MAD1L1: variants seen among roughly 807,000 people sequenced by gnomAD.
MAD1L1 encodes the protein mitotic arrest deficient 1 like 1.
Under a neutral mutation model 96.9 loss-of-function variants are expected in MAD1L1, and 95 were observed. The ratio of observed to expected loss-of-function variants is 0.98; its 90% CI spans 0.83 to 1.16. MAD1L1 has a LOEUF of 1.16. Among genes scored for constraint, MAD1L1 ranks in the 50% most tolerant of loss-of-function variants. MAD1L1 has a pLI of 0.00. For missense variants in MAD1L1, 1,007 were observed against 954.4 expected, an observed-to-expected ratio of 1.06 and a Z score of -0.73; for synonymous variants, 473 against 396.6, an observed-to-expected ratio of 1.19 and a Z score of -2.29.
chr7:2,090,249 T>A (rs1168623578), intron 11 of MAD1L1, among the ~76,000 whole-genome samples: 1 of 152,138 alleles, frequency 6.6e-6, no homozygotes, highest in Non-Finnish European at 1.5e-5. Flanking sequence ...GTCCACTGAG[T>A]CACCGGCGCT....
intron 10 of MAD1L1, among the ~76,000 whole-genome samples, chr7:2,181,515 A>G (rs535145989): frequency 3.0e-4 from 46 of 152,348 alleles, no homozygotes; most frequent in Admixed American, 7.2e-4. Flanking sequence ...CAGAATGGCC[A>G]TAATTTAAAA....
At chr7:2,231,078 G>C (rs569463719) in intron 1 of MAD1L1, among the ~76,000 whole-genome samples, 1 of 152,104 alleles carries the variant, frequency 6.6e-6, no homozygotes, top group Admixed American at 6.6e-5. Flanking sequence ...TTCGGGAGGC[G>C]GAGGCAGGTC....
intron 11 of MAD1L1, among the ~76,000 whole-genome samples, chr7:2,131,813 A>G (rs1233849599): frequency 6.6e-6 from 1 of 152,146 alleles, no homozygotes; most frequent in Admixed American, 6.5e-5. Flanking sequence ...TGTGACAGCC[A>G]TCGCACCTGG....
intron 14 of MAD1L1, among the ~76,000 whole-genome samples, chr7:1,986,659 C>T (rs1233017841): frequency 6.6e-6 from 1 of 152,172 alleles, no homozygotes; most frequent in African/African-American, 2.4e-5. Context: ...CCACGGGCTT[C>T]CTGCCTCTGC....
chr7:2,143,898 G>A (rs1313178079), intron 11 of MAD1L1, among the ~76,000 whole-genome samples: 2 of 152,176 alleles, frequency 1.3e-5, no homozygotes, highest in Admixed American at 1.3e-4. Flanking sequence ...GGCCCTCAGG[G>A]GCTCCCCTCT....
At chr7:1,907,817 G>A (rs1018966259) in intron 17 of MAD1L1, among the ~76,000 whole-genome samples, 4 of 152,246 alleles carry the variant, frequency 2.6e-5, no homozygotes, top group East Asian at 1.9e-4. Context: ...GGTGCTCGGC[G>A]CGGGATCTGA....
rs1003281669 is a variant in MAD1L1 at position 1,853,354 on chromosome 7, G to A, written c.1999-37126C>T. ...GTGGCACAGCAACAGCAGGTAGCCC[G>A]GTCCCTCTGGAAAGAGCGGAGGTGG... On this transcript the variant is annotated intron_variant, in intron 18 of 18. Transcript: ENST00000265854. 4.6e-5 allele frequency among the ~76,000 whole-genome samples: 7 copies of A among 152,160 alleles called. No individual in the cohort carries two copies. In the East Asian group the frequency reaches 5.8e-4, roughly 13 times the overall value.
intron 17 of MAD1L1, among the ~76,000 whole-genome samples, chr7:1,905,519 G>A (rs1213296668): frequency 4.7e-5 from 7 of 150,152 alleles, no homozygotes; most frequent in South Asian, 2.1e-4. Flanking sequence ...TCCAGGCAGC[G>A]AGGACACAGT....
intron 18 of MAD1L1, among the ~76,000 whole-genome samples, chr7:1,871,904 G>C (rs1291063264): frequency 6.6e-6 from 1 of 152,200 alleles, no homozygotes; most frequent in Non-Finnish European, 1.5e-5. Context: ...CTTGGGGGTG[G>C]AGGAGATGAG....
intron 14 of MAD1L1, among the ~76,000 whole-genome samples, chr7:1,983,105 C>T (rs563385973): frequency 7.9e-5 from 12 of 151,892 alleles, no homozygotes; most frequent in African/African-American, 2.4e-4. Context: ...CACACACACA[C>T]GTGCACACAC....
intron 11 of MAD1L1, among the ~76,000 whole-genome samples, chr7:2,144,271 G>C (rs928938839): frequency 1.3e-5 from 2 of 152,214 alleles, no homozygotes; most frequent in African/African-American, 2.4e-5. Context: ...ACAGCGCAGC[G>C]CATGGTGAGG....
chr7:2,228,305 G>A (rs1032943975), intron 3 of MAD1L1, among the ~76,000 whole-genome samples: 11 of 151,912 alleles, frequency 7.2e-5, no homozygotes, highest in East Asian at 1.9e-4. Context: ...TCTGTCACCC[G>A]GGCTGGAGTG....
rs910754095 is a variant in MAD1L1 at position 1,981,595 on chromosome 7, G to A, written c.1417-1054C>T. Among the ~76,000 whole-genome samples, 22 of 152,208 alleles carry A rather than the reference G, an allele frequency of 1.4e-4. No homozygotes were observed. The East Asian group carries it at 3.9e-3, about 27-fold the overall frequency. ...CCCACCAGTCCTGACCCACTCCAAA[G>A]CCCAGCTCACTCCGTCACGAAGGGA... On this transcript the variant is annotated intron_variant, in intron 14 of 18. Coordinates refer to ENST00000265854, the MANE Select transcript of MAD1L1 (RefSeq NM_001013836.2).
At chr7:1,918,176 T>G (rs1052605936) in intron 17 of MAD1L1, among the ~76,000 whole-genome samples, 2 of 152,078 alleles carry the variant, frequency 1.3e-5, no homozygotes, top group Admixed American at 6.5e-5. Flanking sequence ...TCCGAGGCTC[T>G]GTGTGACCCT....
chr7:2,132,787 C>T (rs1788579682), intron 11 of MAD1L1, among the ~76,000 whole-genome samples: 1 of 152,194 alleles, frequency 6.6e-6, no homozygotes, highest in Non-Finnish European at 1.5e-5. Context: ...TATCCATTCA[C>T]CCATGGAAGG....
intron 11 of MAD1L1, among the ~76,000 whole-genome samples, chr7:2,111,943 A>G (rs1434369606): frequency 6.6e-6 from 1 of 152,262 alleles, no homozygotes; most frequent in African/African-American, 2.4e-5. Flanking sequence ...AGTTTAGATC[A>G]TACAAAGCCA....
At chr7:1,924,378 G>T (rs1788978590) in intron 17 of MAD1L1, among the ~76,000 whole-genome samples, 1 of 152,176 alleles carries the variant, frequency 6.6e-6, no homozygotes, top group Non-Finnish European at 1.5e-5. Flanking sequence ...TGGAGTGTCT[G>T]AAAGCCTCTC....
intron 18 of MAD1L1, among the ~76,000 whole-genome samples, chr7:1,881,094 G>A (rs181198855): frequency 7.9e-5 from 12 of 152,224 alleles, no homozygotes; most frequent in Admixed American, 5.2e-4. Context: ...TACATACCTG[G>A]GGTTTCATTA....
intron 11 of MAD1L1, among the ~76,000 whole-genome samples, chr7:2,092,962 G>C (rs967958716): frequency 6.6e-6 from 1 of 152,108 alleles, no homozygotes; most frequent in African/African-American, 2.4e-5. Context: ...TTTGGGCCGA[G>C]TGCAGTGGCT....
Sources: allele counts gnomAD v4.1 joint callset (sites outside exome capture counted in the v4.1 genomes callset), GRCh38; gene constraint gnomAD v4.1.1; transcripts MANE v1.5; gene names NCBI Gene and HGNC (gene_info 2026-07-23, HGNC 2026-07-21).